The following AGBL1 variants were observed in gnomAD, a reference collection of about 807,000 sequenced individuals.
The protein encoded by AGBL1 is AGBL carboxypeptidase 1.
In AGBL1, 130 loss-of-function variants were observed where a neutral mutation model predicts 118.9. The ratio of observed to expected loss-of-function variants is 1.09; its 90% CI spans 0.95 to 1.26. AGBL1 has a LOEUF of 1.26. AGBL1 is among the 50% of genes most tolerant of loss of function. The probability of loss-of-function intolerance (pLI) is 0.00; values close to 1 mark genes in which losing one functional copy is unlikely to be tolerated. For missense variants in AGBL1, 1,584 were observed against 1,298.1 expected (o/e 1.22, Z -3.38); for synonymous variants, 555 against 478.9 (o/e 1.16, Z -2.08).
intron 22 of AGBL1, among the ~76,000 whole-genome samples, chr15:86,860,435 CATATAT>C (rs567264976): frequency 1.3e-5 from 2 of 149,794 alleles, no homozygotes; most frequent in African/African-American, 4.9e-5. Flanking sequence ...TATATAATTT[CATATAT>C]ATATATTTAT....
In AGBL1 at chr15:86,257,047, A is replaced by C. The variant is rs149591585; in HGVS notation, c.901+29A>C. ...AAATAAGTTGGTAACTATGACCTTT[A>C]AGATGAGTTTTTGCATTTTGACCAT... On this transcript the variant is annotated intron_variant, in intron 8 of 22. Transcript: ENST00000614907. The C allele has an allele frequency of 6.8e-5, 109 of 1,596,892 alleles. 1 individual carries two copies. In the East Asian group the frequency reaches 2.0e-3, roughly 29 times the overall value.
Position 86,909,476 on chromosome 15 carries a change from T to C in AGBL1, c.*2182T>C, listed in dbSNP as rs1386174373. The C allele has an allele frequency of 1.3e-5, 2 of 152,220 alleles. No individual in the cohort carries two copies. Among genetic ancestry groups the C allele is most frequent in the African/African-American group, 4.8e-5 (2 of 41,462 alleles). 9.4% of individuals were successfully genotyped at this position (152,220 alleles called of 1,614,324 possible). ...GCATCTGTGTTGTGATTTTGGGAGT[T>C]GATAACATTATTAATAGTCTCTTAT... On this transcript the variant is annotated 3_prime_UTR_variant, in exon 23 of 23. Coordinates refer to ENST00000614907, the MANE Select transcript of AGBL1 (RefSeq NM_001386094.1).
rs78693794 is a variant in AGBL1, at chr15:86,585,588, ACTC to A, written c.2994+31054_2994+31056del. 1.4e-3 allele frequency among the ~76,000 whole-genome samples: 207 copies of A among 151,698 alleles called. 2 individuals carry two copies. In the East Asian group the frequency reaches 0.035, roughly 25 times the overall value. On this transcript the variant is annotated intron_variant, in intron 21 of 22. Coordinates refer to ENST00000614907, the MANE Select transcript of AGBL1 (RefSeq NM_001386094.1). ...ACTATGTTTCCCAGGCTGGTCTTGA[ACTC>A]CTGTTCTCAGGCAATCCTCCTGCCT...
intron 7 of AGBL1, among the ~76,000 whole-genome samples, chr15:86,253,024 A>G (rs2078840773): frequency 6.6e-6 from 1 of 152,108 alleles, no homozygotes; most frequent in Admixed American, 6.5e-5. Flanking sequence ...CAGTGCCATG[A>G]GGGTCTGGAG....
intron 5 of AGBL1, among the ~76,000 whole-genome samples, chr15:86,200,430 A>C (rs1309609026): frequency 6.6e-6 from 1 of 152,132 alleles, no homozygotes; most frequent in Non-Finnish European, 1.5e-5. Flanking sequence ...GTGACTTACA[A>C]ATTATCACAG....
intron 18 of AGBL1, among the ~76,000 whole-genome samples, chr15:86,452,504 C>T (rs2082207001): frequency 6.6e-6 from 1 of 152,156 alleles, no homozygotes; most frequent in African/African-American, 2.4e-5. Context: ...ATTGAGCCCT[C>T]CAAATCTTTA....
chr15:86,940,938 C>G (rs1168959520), intron 23 of AGBL1, among the ~76,000 whole-genome samples: 1 of 152,208 alleles, frequency 6.6e-6, no homozygotes, highest in South Asian at 2.1e-4. Flanking sequence ...GTCCTCTGCT[C>G]AGCTCACTGG....
rs186839695 is a variant in AGBL1 at position 86,761,742 on chromosome 15, A to G, written c.3158+87306A>G. On this transcript the variant is annotated intron_variant, in intron 22 of 22. Transcript: ENST00000614907. ...GATTCTGGTTATTAGACCTTTGTCAAATGGATAGATTGCAATATTTCTCTC... is the reference window on the plus strand; with the variant it reads ...GATTCTGGTTATTAGACCTTTGTCAGATGGATAGATTGCAATATTTCTCTC... Among the ~76,000 whole-genome samples the G allele has an allele frequency of 5.3e-5, 8 of 152,192 alleles. 1 individual carries two copies. The East Asian group carries it at 1.6e-3, about 30-fold the overall frequency.
intron 22 of AGBL1, among the ~76,000 whole-genome samples, chr15:86,691,564 G>A (rs904584022): frequency 6.6e-6 from 1 of 152,134 alleles, no homozygotes; most frequent in East Asian, 1.9e-4. Context: ...TTTGATGCAT[G>A]AGAGGGAAAA....
chr15:86,240,617 A>G (rs1398237010), intron 6 of AGBL1, among the ~76,000 whole-genome samples: 1 of 152,144 alleles, frequency 6.6e-6, no homozygotes, highest in Non-Finnish European at 1.5e-5. Context: ...AACTTTGGAG[A>G]GTAAGTAAGA....
At chr15:86,088,430 T>G (rs756045144) in intron 1 of AGBL1, 11 of 152,276 alleles carry the variant, frequency 7.2e-5, no homozygotes, top group Non-Finnish European at 1.5e-4. Context: ...AGACTCCGGC[T>G]GCTGCCACAG....
At chr15:86,347,061 T>C (rs2080549121) in intron 17 of AGBL1, among the ~76,000 whole-genome samples, 1 of 152,176 alleles carries the variant, frequency 6.6e-6, no homozygotes, top group Non-Finnish European at 1.5e-5. Flanking sequence ...TTACTGGATT[T>C]GACAGTAAAA....
chr15:86,981,716 A>G (rs1396745038), intron 23 of AGBL1, among the ~76,000 whole-genome samples: 4 of 152,112 alleles, frequency 2.6e-5, no homozygotes, highest in African/African-American at 9.7e-5. Context: ...TTTTCTTTGA[A>G]TGCCTATGAC....
At chr15:86,081,888 C>A (rs1883409716) in intron 1 of AGBL1, among the ~76,000 whole-genome samples, 2 of 152,148 alleles carry the variant, frequency 1.3e-5, no homozygotes, top group Non-Finnish European at 2.9e-5. Context: ...GCCTGCATTC[C>A]CACCAGTGAG....
At chr15:86,822,362 T>C (rs372352008) in intron 22 of AGBL1, among the ~76,000 whole-genome samples, 6 of 152,264 alleles carry the variant, frequency 3.9e-5, no homozygotes, top group Admixed American at 6.5e-5. Flanking sequence ...TCCAAATAAA[T>C]TAGTATAGCA....
rs139979839 is a variant in AGBL1, at chr15:86,084,736, C to T, written c.51+4713C>T. 2.6e-3 allele frequency among the ~76,000 whole-genome samples: 395 copies of T among 152,274 alleles called. 3 individuals carry two copies. Among genetic ancestry groups the T allele is most frequent in the Middle Eastern group, 3.4e-3 (1 of 294 alleles). On this transcript the variant is annotated intron_variant, in intron 1 of 22. Coordinates refer to ENST00000614907, the MANE Select transcript of AGBL1 (RefSeq NM_001386094.1). ...CCTGATTTGGTGTGGGGGTAAGGAA[C>T]TCCTGATGAAGGAAGGTAATATTTT...
chr15:86,140,414 G>T (rs4887322), intron 1 of AGBL1, among the ~76,000 whole-genome samples: 3,426 of 151,950 alleles, frequency 0.023, 81 homozygotes, highest in East Asian at 0.089. Flanking sequence ...GGACTTCATG[G>T]CCTCCTTGGA....
intron 18 of AGBL1, among the ~76,000 whole-genome samples, chr15:86,522,539 A>G (rs2142200460): frequency 6.6e-6 from 1 of 152,348 alleles, no homozygotes; most frequent in South Asian, 2.1e-4. Flanking sequence ...ATGGGGAACT[A>G]CATTTTCCAA....
chr15:86,435,326 G>T (rs2081988934), intron 18 of AGBL1, among the ~76,000 whole-genome samples: 1 of 152,196 alleles, frequency 6.6e-6, no homozygotes, highest in Non-Finnish European at 1.5e-5. Context: ...CAGGCAGGGA[G>T]AAGATAAGCT....
Sources: allele counts gnomAD v4.1 joint callset (sites outside exome capture counted in the v4.1 genomes callset), GRCh38; gene constraint gnomAD v4.1.1; transcripts MANE v1.5; gene names NCBI Gene and HGNC (gene_info 2026-07-23, HGNC 2026-07-21).